Variants in IRF2 observed in about 807,000 individuals in gnomAD.
IRF2 encodes interferon regulatory factor 2.
A neutral mutation model predicts 40.6 loss-of-function variants in IRF2; 15 were observed. That is an observed-to-expected ratio of 0.37 (90% confidence interval 0.25 to 0.57). The LOEUF is 0.57. Among genes scored for constraint, IRF2 ranks in the 20% least tolerant of loss-of-function variants. The pLI, the probability that IRF2 is intolerant of heterozygous loss-of-function variation, is 0.77. For synonymous variants in IRF2, 151 were observed against 165.5 expected (o/e 0.91, Z 0.67); for missense variants, 317 against 455.7 (o/e 0.70, Z 2.77).
At chr4:184,465,724 C>T (rs538809301) in intron 1 of IRF2, among the ~76,000 whole-genome samples, 2 of 152,262 alleles carry the variant, frequency 1.3e-5, no homozygotes, top group Admixed American at 6.5e-5. Context: ...TGCCGTAATT[C>T]GTTCAAATGT....
At chr4:184,460,115 G>A (rs1367471908) in intron 1 of IRF2, among the ~76,000 whole-genome samples, 1 of 152,180 alleles carries the variant, frequency 6.6e-6, no homozygotes, top group Non-Finnish European at 1.5e-5. Context: ...ACAGATGAAT[G>A]GACGAACACA....
At chr4:184,453,253 A>G (rs1165695534) in intron 1 of IRF2, among the ~76,000 whole-genome samples, 1 of 152,224 alleles carries the variant, frequency 6.6e-6, no homozygotes, top group Non-Finnish European at 1.5e-5. Flanking sequence ...TTAAGACCTA[A>G]AAGGGTAGAC....
intron 7 of IRF2, among the ~76,000 whole-genome samples, chr4:184,394,316 C>T (rs536014533): frequency 3.3e-5 from 5 of 152,290 alleles, no homozygotes; most frequent in South Asian, 2.1e-4. Context: ...CAGTTTTTAA[C>T]GCCTCGCTGA....
intron 1 of IRF2, among the ~76,000 whole-genome samples, chr4:184,434,285 G>GGTGT (rs1256592018): frequency 6.6e-6 from 1 of 152,174 alleles, no homozygotes; most frequent in Non-Finnish European, 1.5e-5. Context: ...TGCCATTGCT[G>GGTGT]GTGTGTGTCC....
At chr4:184,429,851 C>A (rs1737810881) in intron 1 of IRF2, among the ~76,000 whole-genome samples, 1 of 152,196 alleles carries the variant, frequency 6.6e-6, no homozygotes, top group Non-Finnish European at 1.5e-5. Context: ...CTTCCAGATT[C>A]CTTTCTAAGA....
At chr4:184,469,583 G>A (rs1739448121) in intron 1 of IRF2, among the ~76,000 whole-genome samples, 1 of 152,230 alleles carries the variant, frequency 6.6e-6, no homozygotes, top group South Asian at 2.1e-4. Flanking sequence ...ACTGAGGCAG[G>A]AGGATCACTT....
At chr4:184,430,827 T>C (rs1342488833) in intron 1 of IRF2, among the ~76,000 whole-genome samples, 2 of 152,084 alleles carry the variant, frequency 1.3e-5, no homozygotes, top group Non-Finnish European at 2.9e-5. Context: ...TCCCAGTAGC[T>C]GGGACCACAG....
chr4:184,445,877 C>A (rs1738489457), intron 1 of IRF2, among the ~76,000 whole-genome samples: 1 of 152,124 alleles, frequency 6.6e-6, no homozygotes, highest in Non-Finnish European at 1.5e-5. Context: ...ACCTTTTCTG[C>A]ATATGGAGTC....
Position 184,408,273 on chromosome 4 carries a change from T to A in IRF2, c.414A>T (p.Gln138His). The change falls in exon 6 of 9, where the codon CAA (glutamine) becomes CAT (histidine). Residue 138 changes from glutamine (Q) to histidine (H), a missense_variant and splice_region_variant. This residue lies in a region of IRF2 where 262 missense variants were observed against 334.0 expected (regional missense o/e 0.78). Coordinates refer to ENST00000393593, the MANE Select transcript of IRF2 (RefSeq NM_002199.4). The surrounding 1 kb of genome is among the most constrained non-coding windows in gnomAD (Gnocchi z 4.9). ...EKEDKVKHIK[Q>H]EPVESSLGLS... Reference sequence around the variant, plus strand: ...GCCCCAGAGATGACTCAACTGGTTCTTGCTAGGAAGAAGAAAAGAAAAAAG... The same window carrying A: ...GCCCCAGAGATGACTCAACTGGTTCATGCTAGGAAGAAGAAAAGAAAAAAG... The A allele has an allele frequency of 1.3e-6, 2 of 1,586,832 alleles. No individual in the cohort carries two copies. The highest frequency in any genetic ancestry group is 8.6e-7 in the Non-Finnish European group (1 of 1,156,214).
At chr4:184,424,492 A>C (rs1174059444) in intron 2 of IRF2, among the ~76,000 whole-genome samples, 1 of 150,726 alleles carries the variant, frequency 6.6e-6, no homozygotes, top group Non-Finnish European at 1.5e-5. Flanking sequence ...TAATGGATTA[A>C]TGAGTTGTCA....
rs1739651093 is a variant in IRF2 at position 184,474,504 on chromosome 4, C to T, written c.-132G>A. Reference sequence around the variant, plus strand: ...GCAGGAGCAAAACTAAAAGTTACTCCCCGGCTTGCCTGAGAACAGTCCAGA... The same window carrying T: ...GCAGGAGCAAAACTAAAAGTTACTCTCCGGCTTGCCTGAGAACAGTCCAGA... On this transcript the variant is annotated 5_prime_UTR_variant, in exon 1 of 9. Transcript: ENST00000393593. The surrounding 1 kb of genome is among the most constrained non-coding windows in gnomAD (Gnocchi z 5.6). 2.0e-5 allele frequency: 3 copies of T among 152,364 alleles called. 1 individual carries two copies. The South Asian group carries it at 6.2e-4, about 32-fold the overall frequency. The allele number at this position is 152,364 out of a possible 1,614,324, so 9.4% of individuals were successfully genotyped here. A position where few individuals can be genotyped will look rare whatever the true frequency, so the allele number is the denominator to read the frequency against.
intron 1 of IRF2, among the ~76,000 whole-genome samples, chr4:184,446,118 T>A (rs1452270166): frequency 6.6e-6 from 1 of 152,206 alleles, no homozygotes; most frequent in Non-Finnish European, 1.5e-5. Context: ...ATGGTGCAGA[T>A]TCCCGCTCAG....
chr4:184,434,337 T>C (rs1352931031), intron 1 of IRF2, among the ~76,000 whole-genome samples: 2 of 152,182 alleles, frequency 1.3e-5, no homozygotes, highest in Admixed American at 6.5e-5. Context: ...ACTTTGATCA[T>C]CTAGAAAAAT....
intron 1 of IRF2, among the ~76,000 whole-genome samples, chr4:184,442,574 CTTAATG>C (rs1345077002): frequency 6.6e-6 from 1 of 152,132 alleles, no homozygotes. Flanking sequence ...GCGCCACTAT[CTTAATG>C]TTAATTTCAC....
At chr4:184,437,831 C>CAA (rs35659512) in intron 1 of IRF2, among the ~76,000 whole-genome samples, 5 of 120,556 alleles carry the variant, frequency 4.1e-5, no homozygotes, top group African/African-American at 1.2e-4. Context: ...TTGGAACGTA[C>CAA]AAAAAAAAAA....
intron 1 of IRF2, among the ~76,000 whole-genome samples, chr4:184,461,226 G>A (rs763215210): frequency 6.6e-5 from 10 of 152,182 alleles, no homozygotes; most frequent in Non-Finnish European, 1.3e-4. Context: ...CAAACTAAAT[G>A]TGGGAGAATT....
At chr4:184,442,566 G>A (rs1738351334) in intron 1 of IRF2, among the ~76,000 whole-genome samples, 2 of 152,058 alleles carry the variant, frequency 1.3e-5, no homozygotes, top group Admixed American at 1.3e-4. Flanking sequence ...AGACAAACGC[G>A]CCACTATCTT....
chr4:184,434,033 T>C (rs1026074239), intron 1 of IRF2, among the ~76,000 whole-genome samples: 2 of 152,336 alleles, frequency 1.3e-5, no homozygotes, highest in South Asian at 2.1e-4. Context: ...GTCAGAGGAC[T>C]GAGGACTGGA....
rs1201158764 is a variant in IRF2 at position 184,426,817 on chromosome 4, C to T, written c.87+2161G>A. Reference sequence around the variant, plus strand: ...GCAGACCACTTGCTTCTCTTTAGAACACAGGAGCATTTGCTTTCCTCTCCC... The same window carrying T: ...GCAGACCACTTGCTTCTCTTTAGAATACAGGAGCATTTGCTTTCCTCTCCC... On this transcript the variant is annotated intron_variant, in intron 2 of 8. Coordinates refer to ENST00000393593, the MANE Select transcript of IRF2 (RefSeq NM_002199.4). 2.6e-5 allele frequency among the ~76,000 whole-genome samples: 4 copies of T among 152,342 alleles called. No individual in the cohort carries two copies. In the East Asian group the frequency reaches 7.7e-4, roughly 29 times the overall value.
Sources: allele counts gnomAD v4.1 joint callset (sites outside exome capture counted in the v4.1 genomes callset), GRCh38; gene constraint gnomAD v4.1.1; regional missense constraint gnomAD v4.1.1; non-coding constraint Gnocchi (gnomAD v3.1); transcripts MANE v1.5; gene names NCBI Gene and HGNC (gene_info 2026-07-23, HGNC 2026-07-21).